The following MYO5B variants were observed in gnomAD, a reference collection of about 807,000 sequenced individuals.
MYO5B encodes the protein unconventional myosin-Vb.
MYO5B carries 143 observed loss-of-function variants against 229.3 expected under a neutral mutation model. The ratio of observed to expected loss-of-function variants is 0.62; its 90% CI spans 0.54 to 0.72. MYO5B has a LOEUF of 0.72. MYO5B is among the 30% of genes least tolerant of loss of function. The pLI, the probability that MYO5B is intolerant of heterozygous loss-of-function variation, is 0.00. For synonymous variants in MYO5B, 918 were observed against 885.2 expected (o/e 1.04, Z -0.66); for missense variants, 2,321 against 2,331.0 (o/e 1.00, Z 0.09).
rs761299651 is a variant in MYO5B, at chr18:49,839,194, A to G, written c.4802T>C (p.Ile1601Thr). Residue 1601 changes from isoleucine to threonine, a missense_variant, in exon 36 of 40, where the codon ATC becomes ACC. Physicochemically the swap from Ile to Thr is moderately conservative, Grantham distance 89. Transcript: ENST00000285039. ...GGCAATTTTAATGAGCTGCTGGTAGATCTGAATGGAAAGGTCACTCAGCAC... is the reference window on the plus strand; with the variant it reads ...GGCAATTTTAATGAGCTGCTGGTAGGTCTGAATGGAAAGGTCACTCAGCAC... ...RQVLSDLSIQIYQQLIKIAEG... is the reference protein window; with the variant it reads ...RQVLSDLSIQTYQQLIKIAEG... 2 of 1,614,174 alleles carry G rather than the reference A, an allele frequency of 1.2e-6. No individual in the cohort carries two copies. Among genetic ancestry groups the G allele is most frequent in the East Asian group, 4.5e-5 (2 of 44,882 alleles).
intron 25 of MYO5B, 94 bp downstream of exon 25, chr18:49,877,669 G>T: frequency 1.3e-6 from 2 of 1,557,708 alleles, no homozygotes; most frequent in Non-Finnish European, 8.8e-7. Context: ...GTCACCATCA[G>T]CAGAAGAGTA....
intron 14 of MYO5B, among the ~76,000 whole-genome samples, chr18:49,943,308 T>C (rs1186867254): frequency 6.6e-6 from 1 of 151,874 alleles, no homozygotes; most frequent in Non-Finnish European, 1.5e-5. Context: ...ATGACACATG[T>C]ATACATATGT....
At chr18:49,827,260 C>G (rs577770476) in intron 39 of MYO5B, among the ~76,000 whole-genome samples, 1 of 152,358 alleles carries the variant, frequency 6.6e-6, no homozygotes, top group South Asian at 2.1e-4. Context: ...GCTACTATCC[C>G]CCTCTCTTCA....
chr18:50,047,168 G>A (rs2030252781), intron 2 of MYO5B, among the ~76,000 whole-genome samples: 1 of 152,166 alleles, frequency 6.6e-6, no homozygotes, highest in Non-Finnish European at 1.5e-5. Flanking sequence ...CAGAATGGGA[G>A]AAAATTTTTG....
chr18:49,890,888 G>A (rs2024705114), intron 22 of MYO5B, among the ~76,000 whole-genome samples: 1 of 152,174 alleles, frequency 6.6e-6, no homozygotes, highest in Non-Finnish European at 1.5e-5. Flanking sequence ...AGCAAAAGTT[G>A]AAAATCAACA....
In MYO5B at chr18:50,163,094, T is replaced by A. The variant is rs1220201123; in HGVS notation, c.27+31673A>T. ...AGTACTATCAGCAGATCTTCTGAAATGAATTGCTACCAAGGTTGCCAGCTT... is the reference window on the plus strand; with the variant it reads ...AGTACTATCAGCAGATCTTCTGAAAAGAATTGCTACCAAGGTTGCCAGCTT... On this transcript the variant is annotated intron_variant, in intron 1 of 39. Coordinates refer to ENST00000285039, the MANE Select transcript of MYO5B (RefSeq NM_001080467.3). 6.6e-5 allele frequency among the ~76,000 whole-genome samples: 10 copies of A among 152,334 alleles called. No individual in the cohort carries two copies. In the South Asian group the frequency reaches 2.1e-3, roughly 32 times the overall value.
intron 27 of MYO5B, among the ~76,000 whole-genome samples, chr18:49,868,114 T>C (rs615827): frequency 0.43 from 65,291 of 151,848 alleles, 14,632 homozygotes; most frequent in Middle Eastern, 0.56. Context: ...ATTATATATA[T>C]AACAACTATA....
intron 1 of MYO5B, among the ~76,000 whole-genome samples, chr18:50,176,251 C>T (rs373837457): frequency 2.6e-5 from 4 of 152,188 alleles, no homozygotes; most frequent in African/African-American, 9.6e-5. Context: ...AAATCCCTTG[C>T]ACTGCCCATG....
intron 16 of MYO5B, among the ~76,000 whole-genome samples, chr18:49,931,177 G>A (rs2144198840): frequency 6.6e-6 from 1 of 152,204 alleles, no homozygotes; most frequent in East Asian, 1.9e-4. Context: ...GGAGCTGCCT[G>A]GGCTCAGTGG....
rs866590161 is a variant in MYO5B at position 50,068,118 on chromosome 18, A to G, written c.28-12740T>C. ...CAAAGGAGCTCAGAATCTCTGGGAC[A>G]ACATAAGCAAACCCTATTCCTCAAT... On this transcript the variant is annotated intron_variant, in intron 1 of 39. Coordinates refer to ENST00000285039, the MANE Select transcript of MYO5B (RefSeq NM_001080467.3). Among the ~76,000 whole-genome samples the G allele has an allele frequency of 7.2e-5, 11 of 152,314 alleles. No individual in the cohort carries two copies. In the Middle Eastern group the frequency reaches 0.01, roughly 141 times the overall value.
chr18:50,180,252 G>A (rs1369978337), intron 1 of MYO5B, among the ~76,000 whole-genome samples: 1 of 152,182 alleles, frequency 6.6e-6, no homozygotes, highest in African/African-American at 2.4e-5. Flanking sequence ...ACACTGCCCC[G>A]CACTGGGCTG....
At chr18:50,000,834 T>TA in intron 5 of MYO5B, among the ~76,000 whole-genome samples, 1 of 152,306 alleles carries the variant, frequency 6.6e-6, no homozygotes, top group East Asian at 1.9e-4. Flanking sequence ...TACTGTGGGT[T>TA]AAAAAATATT....
chr18:50,021,175 C>A (rs1255049314), intron 4 of MYO5B, among the ~76,000 whole-genome samples: 1 of 152,208 alleles, frequency 6.6e-6, no homozygotes, highest in Non-Finnish European at 1.5e-5. Context: ...TCAAACAGGT[C>A]GGCTCACACA....
chr18:49,954,998 C>G (rs147676448), intron 12 of MYO5B, among the ~76,000 whole-genome samples: 1 of 152,282 alleles, frequency 6.6e-6, no homozygotes, highest in East Asian at 1.9e-4. Flanking sequence ...TTACACATGC[C>G]CTAGAATATT....
At chr18:49,991,567 C>G (rs1047073282) in intron 6 of MYO5B, among the ~76,000 whole-genome samples, 17 of 151,916 alleles carry the variant, frequency 1.1e-4, no homozygotes, top group African/African-American at 3.9e-4. Flanking sequence ...TAAAGGTAAG[C>G]GAAGAACAGT....
chr18:49,986,585 CACATTTTAATGAGGAAAACCACATCAGAT>C (rs2025873031), intron 7 of MYO5B, among the ~76,000 whole-genome samples: 2 of 152,234 alleles, frequency 1.3e-5, no homozygotes, highest in South Asian at 4.1e-4. Flanking sequence ...TTGGCAGAAG[CACATTTTAATGAGGAAAACCACATCAGAT>C]CTTTGTAGAA....
At chr18:50,066,945 A>G (rs2030835436) in intron 1 of MYO5B, among the ~76,000 whole-genome samples, 1 of 152,172 alleles carries the variant, frequency 6.6e-6, no homozygotes, top group South Asian at 2.1e-4. Flanking sequence ...TCTAGGCCAA[A>G]TGAACATGTT....
intron 1 of MYO5B, among the ~76,000 whole-genome samples, chr18:50,103,878 G>C (rs947621140): frequency 6.6e-6 from 1 of 151,944 alleles, no homozygotes; most frequent in Non-Finnish European, 1.5e-5. Flanking sequence ...CAAATGGGTA[G>C]GGCAAGCATG....
chr18:49,853,627 T>G lies in MYO5B; in HGVS notation c.4043A>C (p.Gln1348Pro). 6.2e-7 allele frequency: 1 copy of G among 1,613,324 alleles called. No individual in the cohort carries two copies. Residue 1348 changes from glutamine (Q) to proline (P), a missense_variant, in exon 31 of 40, where the codon CAG (glutamine) becomes CCG (proline). By Grantham distance (76) the Gln-to-Pro change is moderately conservative. Transcript: ENST00000285039. ...CTCCTCATGCTCCAGGCTCTGGGCC[T>G]GCAGCTGAGCCTCCAGCAGCCTGTG... ...QVARLLEAQL[Q>P]AQSLEHEEEV...
Sources: gnomAD v4.1 joint callset for allele counts (sites outside exome capture counted in the v4.1 genomes callset) on GRCh38, gnomAD v4.1.1 for gene constraint, MANE v1.5 for transcripts, NCBI Gene and HGNC (gene_info 2026-07-23, HGNC 2026-07-21) for gene names.